The following ATAD3B variants were observed in gnomAD, a reference collection of about 807,000 sequenced individuals.
ATAD3B encodes ATPase family AAA domain-containing protein 3B.
A neutral mutation model predicts 70.2 loss-of-function variants in ATAD3B; 59 were observed. That is an observed-to-expected ratio of 0.84 (90% CI 0.68 to 1.04). The LOEUF is 1.04. Among genes scored for constraint, ATAD3B ranks in the 50% least tolerant of loss-of-function variants. The pLI is 0.00. For synonymous variants in ATAD3B, 423 were observed against 388.6 expected (o/e 1.09, Z -1.04); for missense variants, 961 against 913.4 (o/e 1.05, Z -0.67).
At chr1:1,480,184 C>T (rs902215436) in intron 4 of ATAD3B, among the ~76,000 whole-genome samples, 4 of 118,724 alleles carry the variant, frequency 3.4e-5, no homozygotes, top group Non-Finnish European at 7.0e-5. Flanking sequence ...CGAGGGCACA[C>T]CCCCACCCCC....
rs1338625104 is a variant in ATAD3B at position 1,479,034 on chromosome 1, C to T, written c.385-15C>T. 1.7e-6 allele frequency: 2 copies of T among 1,157,342 alleles called. No individual in the cohort carries two copies. Among genetic ancestry groups the T allele is most frequent in the Admixed American group, 4.6e-5 (2 of 43,022 alleles). 71.7% of individuals were successfully genotyped at this position (1,157,342 alleles called of 1,614,324 possible). ...CCCGGCTGAGATGTGTCTTTGCCGC[C>T]CTCTTCTCCCCCAGAGGGCCCAGTA... On this transcript the variant is annotated splice_polypyrimidine_tract_variant and intron_variant, in intron 3 of 15. Coordinates refer to ENST00000673477, the MANE Select transcript of ATAD3B (RefSeq NM_031921.6).
In ATAD3B at chr1:1,495,512, G is replaced by C. The variant is rs146324456; in HGVS notation, c.1642G>C (p.Val548Leu). ...CACGGCATATGCCTCCAAGGACGGG[G>C]TCCTCACTGAGGCCATGATGGACGC... is the stretch of plus-strand genomic sequence containing the variant. Reference protein sequence around the residue: ...QATAYASKDGVLTEAMMDACV... With the variant: ...QATAYASKDGLLTEAMMDACV... The change falls in exon 16 of 16, where the codon GTC becomes CTC. Residue 548 changes from valine to leucine, a missense_variant. By Grantham distance (32) the Val-to-Leu change is conservative. Around this residue, in one of 4 missense-constraint regions of ATAD3B, gnomAD observed 417 missense variants for 335.0 expected, o/e 1.24. Transcript: ENST00000673477. 6.2e-7 allele frequency: 1 copy of C among 1,610,650 alleles called. No homozygotes were observed. Among genetic ancestry groups the C allele is most frequent in the Admixed American group, 1.7e-5 (1 of 59,842 alleles).
At chr1:1,487,457 C>G (rs963631628) in intron 11 of ATAD3B, among the ~76,000 whole-genome samples, 1 of 149,938 alleles carries the variant, frequency 6.7e-6, no homozygotes, top group Non-Finnish European at 1.5e-5. Flanking sequence ...CACTGCACTC[C>G]AGCCTGGGAG....
At position 1,490,505 on chromosome 1, in the gene ATAD3B, C is replaced by T. The variant is rs148324508; in HGVS notation, c.1506-58C>T. The stretch of plus-strand genomic sequence containing the variant: ...GGCCAGCTGCCTGTCTTCCGGCCTC[C>T]ACCTCATGGTGTGGGGTCCGCGGCC... On this transcript the variant is annotated intron_variant, in intron 14 of 15. Transcript: ENST00000673477. 1.9e-3 allele frequency: 3,114 copies of T among 1,611,074 alleles called. 58 individuals are homozygous for T. In the African/African-American group the frequency reaches 0.036, roughly 19 times the overall value.
intron 8 of ATAD3B, 138 bp from the exon 9 acceptor site, chr1:1,485,644 G>C: frequency 7.2e-7 from 1 of 1,391,294 alleles, no homozygotes; most frequent in Non-Finnish European, 9.9e-7. Flanking sequence ...GGCGGGGCAG[G>C]GTTCCAGCTC....
intron 8 of ATAD3B, 56 bp downstream of exon 8, chr1:1,485,227 C>G: frequency 6.3e-7 from 1 of 1,594,938 alleles, no homozygotes; most frequent in South Asian, 1.1e-5. Context: ...GTCCCTTCTG[C>G]CCCACGAGCA....
intron 15 of ATAD3B, 94 bp downstream of exon 15, chr1:1,490,765 T>C (rs1461601322): frequency 1.2e-5 from 18 of 1,513,010 alleles, no homozygotes; most frequent in South Asian, 1.2e-4. Context: ...CGGTGTCATG[T>C]GGGAGCTTCT....
intron 8 of ATAD3B, 39 bp downstream of exon 8, chr1:1,485,210 T>G (rs1188122227): frequency 1.2e-6 from 2 of 1,604,942 alleles, no homozygotes. Context: ...GTGCAGTTCC[T>G]GGCTGAGTCC....
rs551406890 is a variant in ATAD3B at position 1,477,777 on chromosome 1, C to T, written c.282+427C>T. On this transcript the variant is annotated intron_variant, in intron 2 of 15. Coordinates refer to ENST00000673477, the MANE Select transcript of ATAD3B (RefSeq NM_031921.6). Reference sequence around the variant, plus strand: ...CTGGAGTGCAATGGCGCAATCTCGGCTCACTGCAACCTCCGCCTCCCGGGT... The same window carrying T: ...CTGGAGTGCAATGGCGCAATCTCGGTTCACTGCAACCTCCGCCTCCCGGGT... 2.8e-4 allele frequency among the ~76,000 whole-genome samples: 42 copies of T among 151,670 alleles called. 1 individual carries two copies. The highest frequency in any genetic ancestry group is 9.9e-4 in the African/African-American group (41 of 41,334).
intron 2 of ATAD3B, chr1:1,478,322 C>CA (rs1639706884): frequency 8.9e-7 from 1 of 1,129,880 alleles, no homozygotes; most frequent in East Asian, 2.6e-5. Context: ...CTAGAATGGG[C>CA]ACGAGCTCTG....
At chr1:1,490,230 G>A (rs201357817) in intron 13 of ATAD3B, 27 bp from the exon 14 acceptor site, 20 of 1,603,002 alleles carry the variant, frequency 1.2e-5, no homozygotes, top group South Asian at 7.7e-5. Context: ...CAGCCCCAGC[G>A]TTTCCTTCCC....
In ATAD3B at chr1:1,486,004, G is replaced by A. The variant is rs997834503; in HGVS notation, c.964-106G>A. 5.8e-5 allele frequency: 93 copies of A among 1,592,188 alleles called. 2 individuals carry two copies. Among genetic ancestry groups the A allele is most frequent in the South Asian group, 1.2e-4 (11 of 89,286 alleles). On this transcript the variant is annotated intron_variant, in intron 9 of 15. Transcript: ENST00000673477. ...TAGATAGGCTGCCCACGAGCTGGGC[G>A]GCTTCCTGAGGAGCAGAGTCCGCAC...
the ATAD3B span, chr1:1,509,456 C>T: frequency 2.6e-3 from 4,187 of 1,588,528 alleles, 287 homozygotes; most frequent in African/African-American, 0.05. Context: ...TAAAGTCCCA[C>T]GGGGGCCGCA....
rs1470499448 is a variant in ATAD3B, at chr1:1,486,184, G to C, written c.1038G>C (p.Arg346Ser). ...CCAAGAAGAACCGGGGCCTGTACAG[G>C]CACATCCTGCTGTATGGGCCACCAG... ...RNTKKNRGLYRHILLYGPPGT... is the reference protein window; with the variant it reads ...RNTKKNRGLYSHILLYGPPGT... Residue 346 changes from arginine (R) to serine (S), a missense_variant, in exon 10 of 16, where the codon AGG (arginine) becomes AGC (serine). By Grantham distance (110) the Arg-to-Ser change is moderately radical. Transcript: ENST00000673477. 6.2e-7 allele frequency: 1 copy of C among 1,613,250 alleles called. No individual in the cohort carries two copies. Among genetic ancestry groups the C allele is most frequent in the African/African-American group, 1.3e-5 (1 of 75,006 alleles).
chr1:1,499,460 C>T (rs374648759), downstream of ATAD3B, among the ~76,000 whole-genome samples: 41 of 151,606 alleles, frequency 2.7e-4, no homozygotes, highest in African/African-American at 9.7e-4. Flanking sequence ...TGGTCTTAAA[C>T]TCCTGACCTC....
At position 1,486,158 on chromosome 1, in the gene ATAD3B, A is replaced by G. The variant is rs147414630; in HGVS notation, c.1012A>G (p.Thr338Ala). 3.4e-4 allele frequency: 549 copies of G among 1,613,228 alleles called. 6 individuals are homozygous for G. The African/African-American group carries it at 6.4e-3, about 19-fold the overall frequency. The stretch of plus-strand genomic sequence containing the variant: ...CGACATCGCCATAGCAACCAGGAAC[A>G]CCAAGAAGAACCGGGGCCTGTACAG... ...VRDIAIATRN[T>A]KKNRGLYRHI... is the part of the protein sequence containing the mutation. Residue 338 changes from threonine to alanine, a missense_variant, in exon 10 of 16, where the codon ACC becomes GCC. By Grantham distance (58) the Thr-to-Ala change is moderately conservative (BLOSUM62 0). This residue lies in a region of ATAD3B where 349 missense variants were observed against 307.5 expected (regional missense o/e 1.14). Coordinates refer to ENST00000673477, the MANE Select transcript of ATAD3B (RefSeq NM_031921.6).
rs1436545258 is a variant in ATAD3B at position 1,497,317 on chromosome 1, C to T, written c.*1500C>T. The T allele has an allele frequency of 2.0e-5, 3 of 148,144 alleles. No homozygotes were observed. The highest frequency in any genetic ancestry group is 3.0e-5 in the Non-Finnish European group (2 of 67,246). The allele number at this position is 148,144 out of a possible 1,614,324, so 9.2% of individuals were successfully genotyped here. A position where few individuals can be genotyped will look rare whatever the true frequency, so the allele number is the denominator to read the frequency against. ...CTCGACCTCCCAGGCTCAAGTGATCCTCCTGCCTCAGCCTGTCCAGTAGCC... is the reference window on the plus strand; with the variant it reads ...CTCGACCTCCCAGGCTCAAGTGATCTTCCTGCCTCAGCCTGTCCAGTAGCC... On this transcript the variant is annotated 3_prime_UTR_variant, in exon 16 of 16. Transcript: ENST00000673477.
In ATAD3B at chr1:1,471,895, T is replaced by A; in HGVS notation, c.11T>A (p.Leu4His). The A allele has an allele frequency of 3.1e-6, 4 of 1,275,074 alleles. No individual in the cohort carries two copies. The highest frequency in any genetic ancestry group is 4.0e-6 in the Non-Finnish European group (4 of 1,005,666). 79.0% of individuals were successfully genotyped at this position (1,275,074 alleles called of 1,614,324 possible). Residue 4 changes from leucine to histidine, a missense_variant, in exon 1 of 16, where the codon CTC becomes CAC. Physicochemically the swap from Leu to His is moderately conservative, Grantham distance 99. Around this residue, in one of 4 missense-constraint regions of ATAD3B, gnomAD observed 187 missense variants for 244.3 expected, o/e 0.77. Coordinates refer to ENST00000673477, the MANE Select transcript of ATAD3B (RefSeq NM_031921.6). Reference sequence around the variant, plus strand: ...GGCGGCGGTGCGAGCATGTCGTGGCTCTTCGGCGTTAACAAGGGCCCCAAG... The same window carrying A: ...GGCGGCGGTGCGAGCATGTCGTGGCACTTCGGCGTTAACAAGGGCCCCAAG... MSW[L>H]FGVNKGPKGE...
chr1:1,489,135 G>C, intron 12 of ATAD3B, 69 bp from the exon 13 acceptor site: 1 of 1,608,380 alleles, frequency 6.2e-7, no homozygotes, highest in East Asian at 2.2e-5. Context: ...GAGGCCTGTG[G>C]GACTTTCTGC....
Sources: gnomAD v4.1 joint callset for allele counts (sites outside exome capture counted in the v4.1 genomes callset) on GRCh38, gnomAD v4.1.1 for gene constraint, gnomAD v4.1.1 regional missense constraint, MANE v1.5 for transcripts, NCBI Gene and HGNC (gene_info 2026-07-23, HGNC 2026-07-21) for gene names.